WDPCP: variants seen among roughly 807,000 people sequenced by gnomAD.
WDPCP encodes the protein WD repeat-containing and planar cell polarity effector protein fritz homolog.
A neutral mutation model predicts 93.1 loss-of-function variants in WDPCP; 71 were observed. That is an observed-to-expected ratio of 0.76 (90% CI 0.63 to 0.93). WDPCP has a LOEUF of 0.93. Ranked by LOEUF, WDPCP falls within the 40% of genes least tolerant of loss-of-function variation. WDPCP has a pLI of 0.00. For missense variants in WDPCP, 844 were observed against 887.4 expected, an observed-to-expected ratio of 0.95 and a Z score of 0.62; for synonymous variants, 315 against 315.0, an observed-to-expected ratio of 1.00 and a Z score of 0.00.
intron 14 of WDPCP, among the ~76,000 whole-genome samples, chr2:63,211,572 C>T (rs1676806202): frequency 6.6e-6 from 1 of 152,216 alleles, no homozygotes; most frequent in Admixed American, 6.5e-5. Flanking sequence ...TCCAAAGGAA[C>T]ACAGCTCCTT....
chr2:63,375,093 T>C (rs188561101), intron 12 of WDPCP, among the ~76,000 whole-genome samples: 19 of 152,190 alleles, frequency 1.2e-4, no homozygotes, highest in African/African-American at 4.6e-4. Context: ...TAAAAATAAA[T>C]TATTAACTCT....
chr2:63,824,776 G>C (rs1448872602), intron 1 of WDPCP, among the ~76,000 whole-genome samples: 1 of 151,746 alleles, frequency 6.6e-6, no homozygotes, highest in Non-Finnish European at 1.5e-5. Flanking sequence ...ATTGATATAA[G>C]GTTTTTGTAC....
intron 14 of WDPCP, among the ~76,000 whole-genome samples, chr2:63,253,679 A>G (rs1451867452): frequency 6.6e-6 from 1 of 152,172 alleles, no homozygotes; most frequent in East Asian, 1.9e-4. Context: ...GATCAAAACC[A>G]CAATGAGATA....
intron 2 of WDPCP, among the ~76,000 whole-genome samples, chr2:63,491,402 T>C: frequency 6.6e-6 from 1 of 152,182 alleles, no homozygotes. Context: ...ACTGGTGGGC[T>C]TCACTGATCA....
intron 17 of WDPCP, among the ~76,000 whole-genome samples, chr2:63,124,094 GTTT>G (rs371994534): frequency 7.4e-6 from 1 of 134,922 alleles, no homozygotes; most frequent in Non-Finnish European, 1.6e-5. Context: ...TAGGCATGAA[GTTT>G]TTTTTTTTTT....
At chr2:63,360,289 G>A (rs1690348611) in intron 12 of WDPCP, among the ~76,000 whole-genome samples, 1 of 152,186 alleles carries the variant, frequency 6.6e-6, no homozygotes, top group African/African-American at 2.4e-5. Context: ...GTTATGCAGT[G>A]GTTATGCAGA....
intron 1 of WDPCP, among the ~76,000 whole-genome samples, chr2:63,499,048 T>C (rs966334609): frequency 2.6e-5 from 4 of 152,334 alleles, no homozygotes; most frequent in East Asian, 1.9e-4. Context: ...TTTATGTATA[T>C]GTTTACTGAG....
chr2:63,313,886 A>ATATGTGTGTGTATATATATATATATATT, intron 12 of WDPCP, among the ~76,000 whole-genome samples: 30 of 74,472 alleles, frequency 4.0e-4, no homozygotes, highest in African/African-American at 1.4e-3. Flanking sequence ...ATATATATAT[A>ATATGTGTGTGTATATATATATATATATT]TTTTTTTTTT....
At chr2:63,693,678 G>C (rs1486170585) in intron 2 of WDPCP, among the ~76,000 whole-genome samples, 1 of 152,118 alleles carries the variant, frequency 6.6e-6, no homozygotes, top group Admixed American at 6.5e-5. Context: ...AAGTAGGAGG[G>C]AGCAGATTTT....
intron 3 of WDPCP, chr2:63,622,720 C>G: frequency 4.3e-6 from 7 of 1,613,574 alleles, no homozygotes; most frequent in Non-Finnish European, 5.9e-6. Flanking sequence ...TGTACTATGT[C>G]TTCCGTCAAG....
chr2:63,685,389 T>C (rs1432434115), intron 2 of WDPCP, among the ~76,000 whole-genome samples: 4 of 152,120 alleles, frequency 2.6e-5, no homozygotes, highest in Admixed American at 6.5e-5. Flanking sequence ...GTACAACCTA[T>C]CAAGATTGAA....
chr2:63,324,490 A>C (rs975763160), intron 12 of WDPCP, among the ~76,000 whole-genome samples: 1 of 152,188 alleles, frequency 6.6e-6, no homozygotes, highest in African/African-American at 2.4e-5. Flanking sequence ...CTCTGATTTA[A>C]AGCAGATCAA....
intron 1 of WDPCP, among the ~76,000 whole-genome samples, chr2:63,541,679 C>T (rs564548707): frequency 2.6e-5 from 4 of 152,032 alleles, no homozygotes; most frequent in Admixed American, 1.3e-4. Flanking sequence ...AAAGGTAAGG[C>T]GATAAGAGTC....
chr2:63,679,074 C>A (rs1710458808), intron 2 of WDPCP, among the ~76,000 whole-genome samples: 1 of 152,180 alleles, frequency 6.6e-6, no homozygotes, highest in Admixed American at 6.5e-5. Context: ...CATTAAATAC[C>A]TTTGCTTAAA....
At chr2:63,351,154 G>A (rs1442966059) in intron 12 of WDPCP, among the ~76,000 whole-genome samples, 1 of 151,778 alleles carries the variant, frequency 6.6e-6, no homozygotes, top group Non-Finnish European at 1.5e-5. Context: ...GCTAATTTTT[G>A]TATTTTTAGT....
intron 2 of WDPCP, among the ~76,000 whole-genome samples, chr2:63,758,876 C>T (rs1575766161): frequency 6.6e-6 from 1 of 152,076 alleles, no homozygotes; most frequent in East Asian, 1.9e-4. Context: ...CTCCCGAGTT[C>T]AAGCAATTCT....
intron 15 of WDPCP, among the ~76,000 whole-genome samples, chr2:63,155,597 A>G (rs562180205): frequency 6.6e-6 from 1 of 152,338 alleles, no homozygotes; most frequent in South Asian, 2.1e-4. Context: ...TTTAGTAAAT[A>G]AAGTTTTATT....
intron 9 of WDPCP, among the ~76,000 whole-genome samples, chr2:63,427,088 A>T (rs1421954803): frequency 6.6e-6 from 1 of 152,264 alleles, no homozygotes; most frequent in Non-Finnish European, 1.5e-5. Flanking sequence ...CCACATTCAT[A>T]AAACAAATTC....
At chr2:63,751,946 C>G in intron 2 of WDPCP, 4 of 657,034 alleles carry the variant, frequency 6.1e-6, no homozygotes, top group Non-Finnish European at 8.5e-6. Context: ...CCACCATGAC[C>G]ACAGCTGCCA....
Sources: allele counts gnomAD v4.1 joint callset (sites outside exome capture counted in the v4.1 genomes callset), GRCh38; gene constraint gnomAD v4.1.1; transcripts MANE v1.5; gene names NCBI Gene and HGNC (gene_info 2026-07-23, HGNC 2026-07-21).